Variants in NMNAT2 observed in about 807,000 individuals in gnomAD.
NMNAT2 encodes the protein nicotinamide/nicotinic acid mononucleotide adenylyltransferase 2.
In NMNAT2, 11 loss-of-function variants were observed where a neutral mutation model predicts 41.6. The observed-to-expected ratio is 0.26, with a 90% CI of 0.17 to 0.44. NMNAT2 has a LOEUF of 0.44. Ranked by LOEUF, NMNAT2 falls within the 20% of genes least tolerant of loss-of-function variation. NMNAT2 has a pLI of 1.00. For synonymous variants in NMNAT2, 148 were observed against 151.2 expected (o/e 0.98, Z 0.16); for missense variants, 288 against 407.7 (o/e 0.71, Z 2.53).
intron 1 of NMNAT2, among the ~76,000 whole-genome samples, chr1:183,385,737 C>T (rs565778966): frequency 5.9e-5 from 9 of 152,222 alleles, no homozygotes; most frequent in South Asian, 2.1e-4. Context: ...GTGTACATAG[C>T]TGGAATCAAC....
At chr1:183,315,779 A>T (rs1037327757) in intron 1 of NMNAT2, among the ~76,000 whole-genome samples, 43 of 20,344 alleles carry the variant, frequency 2.1e-3, no homozygotes, top group Admixed American at 1.1e-3. Flanking sequence ...GACTCCGTGT[A>T]AAAAAAAAAA....
intron 1 of NMNAT2, among the ~76,000 whole-genome samples, chr1:183,410,597 A>T (rs527270286): frequency 6.6e-6 from 1 of 151,496 alleles, no homozygotes; most frequent in African/African-American, 2.4e-5. Context: ...CCCCCTTCCA[A>T]CCTGTTTTCT....
At chr1:183,302,854 G>A (rs544559490) in intron 1 of NMNAT2, among the ~76,000 whole-genome samples, 3 of 152,092 alleles carry the variant, frequency 2.0e-5, no homozygotes, top group East Asian at 1.9e-4. Context: ...CTCTGCCCTT[G>A]TTTTCCCCAC....
At chr1:183,411,786 G>A (rs1052714764) in intron 1 of NMNAT2, among the ~76,000 whole-genome samples, 2 of 152,186 alleles carry the variant, frequency 1.3e-5, no homozygotes, top group Non-Finnish European at 2.9e-5. Flanking sequence ...TGATAAGTAC[G>A]AAGGGGAAAA....
intron 1 of NMNAT2, among the ~76,000 whole-genome samples, chr1:183,313,464 TTA>T (rs1005313834): frequency 5.3e-5 from 8 of 152,332 alleles, no homozygotes; most frequent in African/African-American, 1.7e-4. Flanking sequence ...CATTAGATGT[TTA>T]GAGATTTTCA....
intron 4 of NMNAT2, 21 bp from the exon 5 acceptor site, chr1:183,286,809 G>A (rs766046062): frequency 1.9e-6 from 3 of 1,600,218 alleles, no homozygotes; most frequent in Non-Finnish European, 2.6e-6. Flanking sequence ...AGAGAAGAGT[G>A]TTATTAGTCA....
chr1:183,324,419 G>A (rs1420123001), intron 1 of NMNAT2, among the ~76,000 whole-genome samples: 1 of 152,118 alleles, frequency 6.6e-6, no homozygotes, highest in East Asian at 1.9e-4. Context: ...TGTTTGAAGT[G>A]GGAAATTTCC....
chr1:183,409,597 G>A (rs1425907033), intron 1 of NMNAT2, among the ~76,000 whole-genome samples: 3 of 152,152 alleles, frequency 2.0e-5, no homozygotes, highest in Admixed American at 1.3e-4. Context: ...GATTACAGGT[G>A]TGAGCCACTG....
intron 1 of NMNAT2, among the ~76,000 whole-genome samples, chr1:183,318,299 C>A (rs573402878): frequency 2.0e-5 from 3 of 152,338 alleles, no homozygotes; most frequent in African/African-American, 7.2e-5. Flanking sequence ...GTCCTCTTGC[C>A]TGTCTGCAGG....
At chr1:183,390,188 A>G (rs1340512878) in intron 1 of NMNAT2, among the ~76,000 whole-genome samples, 3 of 152,146 alleles carry the variant, frequency 2.0e-5, no homozygotes, top group African/African-American at 7.2e-5. Flanking sequence ...GGTGAGCCGC[A>G]TGAACATCAA....
chr1:183,349,056 G>T (rs1662991562), intron 1 of NMNAT2, among the ~76,000 whole-genome samples: 1 of 152,104 alleles, frequency 6.6e-6, no homozygotes, highest in African/African-American at 2.4e-5. Context: ...TGGCCCAGGT[G>T]GCTTCTGATC....
At chr1:183,416,962 G>T (rs529674038) in intron 1 of NMNAT2, among the ~76,000 whole-genome samples, 4 of 152,118 alleles carry the variant, frequency 2.6e-5, no homozygotes, top group Non-Finnish European at 5.9e-5. Flanking sequence ...GCGCCTTGCT[G>T]GCGGGCCAGG....
intron 1 of NMNAT2, among the ~76,000 whole-genome samples, chr1:183,404,290 A>T (rs1648895266): frequency 6.6e-6 from 1 of 152,198 alleles, no homozygotes; most frequent in Non-Finnish European, 1.5e-5. Flanking sequence ...GGGTTTCACC[A>T]TGTTGGCCAG....
chr1:183,297,562 A>G (rs911413677), intron 1 of NMNAT2, among the ~76,000 whole-genome samples: 3 of 152,058 alleles, frequency 2.0e-5, no homozygotes, highest in Admixed American at 6.6e-5. Context: ...TTGTATTTTT[A>G]GTAGAGACGA....
At chr1:183,367,853 T>C (rs904737412) in intron 1 of NMNAT2, among the ~76,000 whole-genome samples, 2 of 152,106 alleles carry the variant, frequency 1.3e-5, no homozygotes, top group African/African-American at 2.4e-5. Context: ...CTGTGCCCAG[T>C]GGATTGTCTC....
intron 1 of NMNAT2, among the ~76,000 whole-genome samples, chr1:183,296,207 T>C (rs1000036265): frequency 6.6e-6 from 1 of 152,174 alleles, no homozygotes; most frequent in Non-Finnish European, 1.5e-5. Flanking sequence ...GTACTTCAGT[T>C]TATCCATTCA....
chr1:183,393,476 TA>T (rs540689765), intron 1 of NMNAT2, among the ~76,000 whole-genome samples: 1,904 of 146,194 alleles, frequency 0.013, 39 homozygotes, highest in African/African-American at 0.044. Flanking sequence ...CAGTTGGCTT[TA>T]AAAAAAAAAA....
chr1:183,340,125 T>C (rs1172672901), intron 1 of NMNAT2, among the ~76,000 whole-genome samples: 1 of 152,212 alleles, frequency 6.6e-6, no homozygotes, highest in Non-Finnish European at 1.5e-5. Context: ...AATCAGACTT[T>C]CTGGCTCTCC....
chr1:183,371,246 T>C (rs1226275935), intron 1 of NMNAT2, among the ~76,000 whole-genome samples: 2 of 152,098 alleles, frequency 1.3e-5, no homozygotes, highest in Non-Finnish European at 2.9e-5. Context: ...ATGATTCCAA[T>C]GATAGGACAT....
Sources: allele counts gnomAD v4.1 joint callset (sites outside exome capture counted in the v4.1 genomes callset), GRCh38; gene constraint gnomAD v4.1.1; transcripts MANE v1.5; gene names NCBI Gene and HGNC (gene_info 2026-07-23, HGNC 2026-07-21).